Variants in POGLUT3 observed in about 807,000 individuals in gnomAD.
POGLUT3 encodes protein O-glucosyltransferase 3, also known as KDEL (Lys-Asp-Glu-Leu) containing 2.
POGLUT3 carries 48 observed loss-of-function variants against 54.3 expected under a neutral mutation model. The ratio of observed to expected loss-of-function variants is 0.88; its 90% CI spans 0.70 to 1.12. The LOEUF (loss-of-function observed/expected upper bound fraction) is 1.12, where lower values mean the gene tolerates loss of function less well. Among genes scored for constraint, POGLUT3 ranks in the 50% most tolerant of loss-of-function variants. The probability of loss-of-function intolerance (pLI) is 0.00; values close to 1 mark genes in which losing one functional copy is unlikely to be tolerated. For missense variants in POGLUT3, 629 were observed against 618.7 expected (o/e 1.02, Z -0.18); for synonymous variants, 218 against 237.4 (o/e 0.92, Z 0.75).
At chr11:108,481,905 A>G in intron 4 of POGLUT3, 101 bp downstream of exon 4, 2 of 905,016 alleles carry the variant, frequency 2.2e-6, no homozygotes, top group Non-Finnish European at 1.7e-6. Context: ...TTTTCAGTAC[A>G]AGACTTTTTC....
intron 1 of POGLUT3, among the ~76,000 whole-genome samples, chr11:108,495,708 G>T (rs2093621128): frequency 6.6e-6 from 1 of 151,878 alleles, no homozygotes; most frequent in African/African-American, 2.4e-5. Flanking sequence ...GCCCGGGCTG[G>T]AGTGCAGTGG....
intron 3 of POGLUT3, 126 bp from the exon 4 acceptor site, chr11:108,482,348 A>G: frequency 1.6e-6 from 1 of 633,900 alleles, no homozygotes; most frequent in East Asian, 2.8e-5. Context: ...GAGAAGAGAG[A>G]AGAATGCCTG....
chr11:108,491,350 T>TG (rs569649609), intron 1 of POGLUT3, 183 bp from the exon 2 acceptor site: 1 of 120,336 alleles, frequency 8.3e-6, no homozygotes. Context: ...TCATGCATTC[T>TG]TTTTTTTTTT....
At position 108,486,179 on chromosome 11, in the gene POGLUT3, A is replaced by G; in HGVS notation, c.662T>C (p.Ile221Thr). Residue 221 changes from isoleucine (I) to threonine (T), a missense_variant, in exon 3 of 8, where the codon ATT becomes ACT. By Grantham distance (89) the Ile-to-Thr change is moderately conservative (BLOSUM62 -1). Transcript: ENST00000323468. ...YTDFKMFSDE[I>T]LLSLTRKVLL... ...TACCTTTCTTGTCAATGATAACAAA[A>G]TCTCATCAGAGAACATCTTGAAGTC... 1 of 1,609,950 alleles carries G rather than the reference A, an allele frequency of 6.2e-7. No individual in the cohort carries two copies. Among genetic ancestry groups the G allele is most frequent in the Non-Finnish European group, 8.5e-7 (1 of 1,176,666 alleles).
chr11:108,490,974 C>G lies in POGLUT3; in HGVS notation c.396G>C (p.Leu132Phe), dbSNP rs1455008045. The G allele has an allele frequency of 6.2e-7, 1 of 1,613,236 alleles. No individual in the cohort carries two copies. The highest frequency in any genetic ancestry group is 2.2e-5 in the East Asian group (1 of 44,860). The change falls in exon 2 of 8, where the codon TTG becomes TTC. Residue 132 changes from leucine (L) to phenylalanine (F), a missense_variant. Coordinates refer to ENST00000323468, the MANE Select transcript of POGLUT3 (RefSeq NM_153705.5). ...DEHVAQSPYI[L>F]KGPVYHEYCE... is the part of the protein sequence containing the mutation. ...GAGTATATAATAATCACTTACCTTT[C>G]AAAATATAGGGAGACTGAGCCACAT... is the stretch of plus-strand genomic sequence containing the variant.
rs759702536 is a variant in POGLUT3, at chr11:108,482,108, C to CT, written c.798_799insA (p.Asp267ArgfsTer11). The stretch of plus-strand genomic sequence containing the variant: ...GTTGGAAGGACAACATCTCTTGAAT[C>CT]CAGAGAGCCACACCATGAAATGATA... On this transcript the variant is annotated frameshift_variant, in exon 4 of 8. Transcript: ENST00000323468. LOFTEE classifies it high-confidence loss of function. 3.2e-5 allele frequency: 51 copies of CT among 1,613,920 alleles called. No individual in the cohort carries two copies. Among genetic ancestry groups the CT allele is most frequent in the Non-Finnish European group, 4.0e-5 (47 of 1,179,992 alleles).
chr11:108,496,328 A>AT (rs1410087448), intron 1 of POGLUT3, among the ~76,000 whole-genome samples: 2 of 151,880 alleles, frequency 1.3e-5, no homozygotes, highest in East Asian at 3.9e-4. Flanking sequence ...AAAAAAAAAA[A>AT]AGGAGGAGGG....
chr11:108,474,786 A>T lies in POGLUT3; in HGVS notation c.*41T>A. Reference sequence around the variant, plus strand: ...ACAGCTTAGATTCAATCTTTCCTTAAAGTGTAGCCGGGATACACAGGAGTG... The same window carrying T: ...ACAGCTTAGATTCAATCTTTCCTTATAGTGTAGCCGGGATACACAGGAGTG... On this transcript the variant is annotated 3_prime_UTR_variant, in exon 8 of 8. Coordinates refer to ENST00000323468, the MANE Select transcript of POGLUT3 (RefSeq NM_153705.5). 6.3e-7 allele frequency: 1 copy of T among 1,579,408 alleles called. No homozygotes were observed. Among genetic ancestry groups the T allele is most frequent in the African/African-American group, 1.5e-5 (1 of 67,172 alleles).
In POGLUT3 at chr11:108,487,338, G is replaced by A. The variant is rs1043151744; in HGVS notation, c.401-898C>T. On this transcript the variant is annotated intron_variant, in intron 2 of 7. Coordinates refer to ENST00000323468, the MANE Select transcript of POGLUT3 (RefSeq NM_153705.5). ...AACCAAGTTGTAGCCTGATCACCTT[G>A]AGCACAGGTTCTCAGGATGTCCTGA... is the stretch of plus-strand genomic sequence containing the variant. Among the ~76,000 whole-genome samples the A allele has an allele frequency of 2.6e-5, 4 of 151,556 alleles. No homozygotes were observed. The Admixed American group carries it at 2.6e-4, about 10-fold the overall frequency.
At chr11:108,486,889 G>C (rs116421604) in intron 2 of POGLUT3, 1,714 of 158,230 alleles carry the variant, frequency 0.011, 35 homozygotes, top group African/African-American at 0.037. Context: ...GCCACGAAGG[G>C]AAAGGGGAAC....
intron 3 of POGLUT3, among the ~76,000 whole-genome samples, chr11:108,485,719 G>A (rs568193885): frequency 2.0e-5 from 3 of 151,402 alleles, no homozygotes; most frequent in Non-Finnish European, 2.9e-5. Flanking sequence ...GTGCAGTGGC[G>A]CAATCTTGGC....
chr11:108,475,731 A>T (rs1311676670), intron 7 of POGLUT3, among the ~76,000 whole-genome samples: 1 of 151,908 alleles, frequency 6.6e-6, no homozygotes, highest in Non-Finnish European at 1.5e-5. Flanking sequence ...AGCCTCCCAA[A>T]GTGCTGGGAC....
intron 6 of POGLUT3, 163 bp from the exon 7 acceptor site, chr11:108,477,874 C>T (rs1406745588): frequency 4.9e-6 from 3 of 610,640 alleles, no homozygotes; most frequent in Admixed American, 2.9e-5. Flanking sequence ...AGGGGCCGGA[C>T]ATGGTGGCTC....
chr11:108,479,074 AT>A (rs1201526752), intron 6 of POGLUT3, among the ~76,000 whole-genome samples: 5 of 152,218 alleles, frequency 3.3e-5, no homozygotes, highest in Non-Finnish European at 7.4e-5. Context: ...TCTGTATTTT[AT>A]ATAAGGCTGG....
intron 3 of POGLUT3, 96 bp from the exon 4 acceptor site, chr11:108,482,318 G>A: frequency 1.3e-6 from 1 of 799,292 alleles, no homozygotes; most frequent in Non-Finnish European, 2.0e-6. Context: ...ATTTTTGACA[G>A]GGCTAACCAT....
intron 1 of POGLUT3, among the ~76,000 whole-genome samples, chr11:108,497,477 G>C (rs1393658445): frequency 6.6e-6 from 1 of 152,170 alleles, no homozygotes; most frequent in African/African-American, 2.4e-5. Context: ...TGACAACAGC[G>C]TGAAACCAGC....
intron 5 of POGLUT3, among the ~76,000 whole-genome samples, chr11:108,479,767 G>A (rs1775029381): frequency 6.6e-6 from 1 of 152,128 alleles, no homozygotes; most frequent in African/African-American, 2.4e-5. Context: ...TCATGTCTCT[G>A]TAATAATGGA....
intron 2 of POGLUT3, among the ~76,000 whole-genome samples, chr11:108,488,595 G>A (rs1199486779): frequency 3.9e-5 from 6 of 152,186 alleles, no homozygotes; most frequent in Non-Finnish European, 7.3e-5. Flanking sequence ...GAGAACGTTA[G>A]AGATCTATAG....
intron 4 of POGLUT3, 38 bp from the exon 5 acceptor site, chr11:108,481,414 A>G (rs376108758): frequency 1.8e-5 from 27 of 1,481,590 alleles, no homozygotes; most frequent in African/African-American, 4.3e-5. Flanking sequence ...AGGATTATGA[A>G]TTTGACATTT....
Sources: gnomAD v4.1 joint callset for allele counts (sites outside exome capture counted in the v4.1 genomes callset) on GRCh38, gnomAD v4.1.1 for gene constraint, MANE v1.5 for transcripts, NCBI Gene and HGNC (gene_info 2026-07-23, HGNC 2026-07-21) for gene names.